Variants in CDH4 observed in about 807,000 individuals in gnomAD.
CDH4 encodes cadherin 4, also known as cadherin-4.
In CDH4, 33 loss-of-function variants were observed where a neutral mutation model predicts 86.0. That is an observed-to-expected ratio of 0.38 (90% CI 0.29 to 0.51). CDH4 has a LOEUF of 0.51. Ranked by LOEUF, CDH4 falls within the 20% of genes least tolerant of loss-of-function variation. CDH4 has a pLI of 0.86. For synonymous variants in CDH4, 555 were observed against 549.4 expected (o/e 1.01, Z -0.14); for missense variants, 1,114 against 1,307.4 (o/e 0.85, Z 2.28).
chr20:61,263,321 T>C (rs545018348), intron 2 of CDH4, among the ~76,000 whole-genome samples: 7 of 152,218 alleles, frequency 4.6e-5, no homozygotes, highest in Non-Finnish European at 1.0e-4. Context: ...GGCTGGTGTC[T>C]GCTTTCAGTT....
At chr20:61,556,086 T>G (rs2086175517) in intron 2 of CDH4, among the ~76,000 whole-genome samples, 1 of 152,198 alleles carries the variant, frequency 6.6e-6, no homozygotes, top group African/African-American at 2.4e-5. Context: ...GACACAGATG[T>G]TCTCCTGCCT....
intron 2 of CDH4, among the ~76,000 whole-genome samples, chr20:61,437,911 G>A (rs2085293854): frequency 6.6e-6 from 1 of 152,200 alleles, no homozygotes; most frequent in Non-Finnish European, 1.5e-5. Flanking sequence ...CAGGAATCGG[G>A]AAACGTTTTC....
chr20:61,867,577 T>G (rs1198227028), intron 6 of CDH4, among the ~76,000 whole-genome samples: 1 of 133,600 alleles, frequency 7.5e-6, no homozygotes, highest in African/African-American at 2.7e-5. Flanking sequence ...GAGAGAGAGC[T>G]TATGATAAAA....
chr20:61,593,374 T>C (rs141572456), intron 2 of CDH4, among the ~76,000 whole-genome samples: 1 of 152,350 alleles, frequency 6.6e-6, no homozygotes, highest in African/African-American at 2.4e-5. Context: ...ACTGGAATGG[T>C]GGCTGGGTCA....
chr20:61,661,608 C>T (rs539747851), intron 2 of CDH4, among the ~76,000 whole-genome samples: 51 of 151,808 alleles, frequency 3.4e-4, no homozygotes, highest in African/African-American at 1.2e-3. Flanking sequence ...CATGCGTCTT[C>T]CCAATTAACC....
intron 2 of CDH4, among the ~76,000 whole-genome samples, chr20:61,451,858 A>T (rs920656944): frequency 6.6e-6 from 1 of 152,172 alleles, no homozygotes; most frequent in African/African-American, 2.4e-5. Flanking sequence ...ATGAGGAGGG[A>T]TGTAGAGACT....
At chr20:61,260,093 G>A (rs2084120623) in intron 2 of CDH4, among the ~76,000 whole-genome samples, 1 of 152,194 alleles carries the variant, frequency 6.6e-6, no homozygotes, top group African/African-American at 2.4e-5. Flanking sequence ...GTTGTCACAT[G>A]CAGCCTCGTG....
intron 4 of CDH4, among the ~76,000 whole-genome samples, chr20:61,830,161 C>T (rs928357243): frequency 6.6e-6 from 1 of 150,926 alleles, no homozygotes; most frequent in Non-Finnish European, 1.5e-5. Flanking sequence ...TTGGAGCCCC[C>T]CGCCCCCAGG....
chr20:61,598,012 T>C (rs1289215532), intron 2 of CDH4, among the ~76,000 whole-genome samples: 2 of 152,206 alleles, frequency 1.3e-5, no homozygotes, highest in Non-Finnish European at 2.9e-5. Context: ...AAAGCCCCTT[T>C]AGGGCTCCTG....
chr20:61,828,970 C>T (rs1409485967), intron 4 of CDH4, among the ~76,000 whole-genome samples: 1 of 152,214 alleles, frequency 6.6e-6, no homozygotes, highest in Admixed American at 6.5e-5. Context: ...CCTCCATCCA[C>T]ATGCGCAGGT....
intron 7 of CDH4, among the ~76,000 whole-genome samples, chr20:61,891,872 C>T (rs1299535982): frequency 6.6e-6 from 1 of 152,220 alleles, no homozygotes; most frequent in Admixed American, 6.5e-5. Context: ...GGATCCCCAG[C>T]CCTCCCTCCC....
chr20:61,656,682 G>A (rs937794388), intron 2 of CDH4, among the ~76,000 whole-genome samples: 3 of 152,192 alleles, frequency 2.0e-5, no homozygotes, highest in African/African-American at 7.2e-5. Flanking sequence ...CAGGTCACCT[G>A]CCATTCTGCA....
intron 4 of CDH4, among the ~76,000 whole-genome samples, chr20:61,777,703 A>G (rs1488890423): frequency 2.1e-5 from 3 of 141,372 alleles, no homozygotes; most frequent in African/African-American, 5.4e-5. Flanking sequence ...TGCATACAAA[A>G]ACACACACCC....
At chr20:61,369,063 A>T (rs192921362) in intron 2 of CDH4, among the ~76,000 whole-genome samples, 7 of 152,260 alleles carry the variant, frequency 4.6e-5, no homozygotes, top group Admixed American at 3.9e-4. Context: ...CAAAAATGCC[A>T]TTTTCATGAA....
At chr20:61,483,862 G>T (rs1568861067) in intron 2 of CDH4, among the ~76,000 whole-genome samples, 1 of 152,114 alleles carries the variant, frequency 6.6e-6, no homozygotes, top group Non-Finnish European at 1.5e-5. Context: ...GGAGGGGGGT[G>T]GTTATGCAGC....
intron 2 of CDH4, among the ~76,000 whole-genome samples, chr20:61,457,959 T>C (rs2085418343): frequency 7.3e-6 from 1 of 136,508 alleles, no homozygotes; most frequent in Non-Finnish European, 1.6e-5. Flanking sequence ...GTGGTGATGG[T>C]ATAGTCATGG....
intron 6 of CDH4, among the ~76,000 whole-genome samples, chr20:61,863,063 A>G (rs1983397961): frequency 6.6e-6 from 1 of 152,244 alleles, no homozygotes; most frequent in South Asian, 2.1e-4. Flanking sequence ...CAGTGATTTG[A>G]ACAGAAAGCC....
rs956689609 is a variant in CDH4, at chr20:61,392,263, A to G, written c.169+137326A>G. Among the ~76,000 whole-genome samples, 4 of 151,798 alleles carry G rather than the reference A, an allele frequency of 2.6e-5. No individual in the cohort carries two copies. The highest frequency in any genetic ancestry group is 7.3e-5 in the African/African-American group (3 of 41,320). On this transcript the variant is annotated intron_variant, in intron 2 of 15. Transcript: ENST00000614565. This position sits in a 1 kb window ranked among gnomAD's most constrained non-coding sequence, Gnocchi z 5.7. ...GCCTCTGGGCTGGGGAGGGACAGGA[A>G]CCCGAGGCAGATCCTTCCACCAAAC...
Position 61,383,498 on chromosome 20 carries a change from T to TTATATATGATATATATGAATATGTATGAA in CDH4, c.169+128571_169+128599dup, listed in dbSNP as rs1568822883. On this transcript the variant is annotated intron_variant, in intron 2 of 15. Coordinates refer to ENST00000614565, the MANE Select transcript of CDH4 (RefSeq NM_001794.5). ...ATATATATGATATATATGAAATATA[T>TTATATATGATATATATGAATATGTATGAA]TATATATGATATATATGAATATGTA... Among the ~76,000 whole-genome samples, 20 of 59,758 alleles carry TTATATATGATATATATGAATATGTATGAA rather than the reference T, an allele frequency of 3.3e-4. 3 individuals carry two copies. Among genetic ancestry groups the TTATATATGATATATATGAATATGTATGAA allele is most frequent in the African/African-American group, 1.6e-3 (19 of 11,718 alleles). 39.2% of individuals were successfully genotyped at this position (59,758 alleles called of 152,430 possible).
Sources: allele counts gnomAD v4.1 joint callset (sites outside exome capture counted in the v4.1 genomes callset), GRCh38; gene constraint gnomAD v4.1.1; non-coding constraint Gnocchi (gnomAD v3.1); transcripts MANE v1.5; gene names NCBI Gene and HGNC (gene_info 2026-07-23, HGNC 2026-07-21).